The following MYO6 variants were observed in gnomAD, a reference collection of about 807,000 sequenced individuals.
The protein encoded by MYO6 is unconventional myosin-VI.
MYO6 carries 74 observed loss-of-function variants against 178.7 expected under a neutral mutation model. That is an observed-to-expected ratio of 0.41 (90% CI 0.34 to 0.50). The LOEUF (loss-of-function observed/expected upper bound fraction) is 0.50. Among genes scored for constraint, MYO6 ranks in the 20% least tolerant of loss-of-function variants. The pLI, the probability that MYO6 is intolerant of heterozygous loss-of-function variation, is 0.09. For synonymous variants in MYO6, 477 were observed against 504.6 expected (o/e 0.95, Z 0.73); for missense variants, 1,330 against 1,547.4 (o/e 0.86, Z 2.36).
At position 75,886,875 on chromosome 6, in the gene MYO6, A is replaced by C; in HGVS notation, c.2539A>C (p.Lys847Gln). The change falls in exon 25 of 35, where the codon AAA (lysine) becomes CAA (glutamine). Residue 847 changes from lysine to glutamine, a missense_variant. Physicochemically the swap from Lys to Gln is moderately conservative, Grantham distance 53. Coordinates refer to ENST00000369977, the MANE Select transcript of MYO6 (RefSeq NM_004999.4). Reference protein sequence around the residue: ...IDGLVKVGTLKKRLDKFNEVV... With the variant: ...IDGLVKVGTLQKRLDKFNEVV... ...TGGTCTGGTTAAGGTGGGCACACTGAAAAAACGACTTGATAAATTTAATGA... is the reference window on the plus strand; with the variant it reads ...TGGTCTGGTTAAGGTGGGCACACTGCAAAAACGACTTGATAAATTTAATGA... 1 of 1,613,878 alleles carries C rather than the reference A, an allele frequency of 6.2e-7. No homozygotes were observed. The highest frequency in any genetic ancestry group is 8.5e-7 in the Non-Finnish European group (1 of 1,179,882).
chr6:75,825,982 A>C (rs993142257), intron 3 of MYO6, among the ~76,000 whole-genome samples: 2 of 152,172 alleles, frequency 1.3e-5, no homozygotes, highest in Non-Finnish European at 2.9e-5. Context: ...TAAATCTGTT[A>C]ATAATTAGGC....
At chr6:75,763,234 C>T (rs1248073916) in intron 1 of MYO6, among the ~76,000 whole-genome samples, 1 of 152,018 alleles carries the variant, frequency 6.6e-6, no homozygotes, top group African/African-American at 2.4e-5. Context: ...CCATCTTGGC[C>T]AGGCTGGTCT....
chr6:75,854,725 C>T (rs1244393404), intron 11 of MYO6, among the ~76,000 whole-genome samples: 1 of 152,138 alleles, frequency 6.6e-6, no homozygotes, highest in African/African-American at 2.4e-5. Flanking sequence ...CCAAATTGAT[C>T]TATTTAGGTG....
Position 75,890,258 on chromosome 6 carries a change from A to G in MYO6, c.2860A>G (p.Arg954Gly), listed in dbSNP as rs775322612. ...ACGTCGAAGAAAGGAAGAGGAGGAA[A>G]GGCGGATGTGAGGCATTTATATTAT... ...EKRRRKEEEE[R>G]RMKLEMEAKR... The change falls in exon 26 of 35, where the codon AGG (arginine) becomes GGG (glycine). Residue 954 changes from arginine to glycine, a missense_variant. Arg to Gly is a moderately radical substitution (Grantham distance 125). This residue lies in a region of MYO6 where 601 missense variants were observed against 626.1 expected (regional missense o/e 0.96). Coordinates refer to ENST00000369977, the MANE Select transcript of MYO6 (RefSeq NM_004999.4). 7 of 1,613,786 alleles carry G rather than the reference A, an allele frequency of 4.3e-6. No individual in the cohort carries two copies. Among genetic ancestry groups the G allele is most frequent in the Non-Finnish European group, 5.9e-6 (7 of 1,179,718 alleles).
chr6:75,749,577 TG>T (rs1264801151), intron 1 of MYO6, among the ~76,000 whole-genome samples, 154 bp downstream of exon 1: 3 of 152,050 alleles, frequency 2.0e-5, no homozygotes, highest in Non-Finnish European at 4.4e-5. Context: ...GATGGATGGG[TG>T]GGCCCTGGGC....
intron 2 of MYO6, among the ~76,000 whole-genome samples, chr6:75,822,529 G>T (rs1430619134): frequency 6.6e-6 from 1 of 152,030 alleles, no homozygotes; most frequent in Admixed American, 6.6e-5. Flanking sequence ...TTCTTTAGGT[G>T]TTGGAGCCTA....
chr6:75,848,707 C>A (rs564087408), intron 11 of MYO6, among the ~76,000 whole-genome samples, 176 bp downstream of exon 11: 12 of 131,836 alleles, frequency 9.1e-5, no homozygotes, highest in South Asian at 5.0e-4. Context: ...ATCAGTCATT[C>A]TGAGCTCTGT....
chr6:75,915,791 G>C lies in MYO6; in HGVS notation c.*779G>C, dbSNP rs1781087826. On this transcript the variant is annotated 3_prime_UTR_variant, in exon 35 of 35. Transcript: ENST00000369977. ...GATAAGTTTTGTTTCAATTAGAAAA[G>C]GAAATAGGTTTTAGGTGGCATAGTG... The C allele has an allele frequency of 6.6e-6, 1 of 152,600 alleles. No individual in the cohort carries two copies. The highest frequency in any genetic ancestry group is 2.4e-5 in the African/African-American group (1 of 41,454). 9.5% of individuals were successfully genotyped at this position (152,600 alleles called of 1,614,324 possible).
At chr6:75,776,935 C>T (rs948523553) in intron 1 of MYO6, among the ~76,000 whole-genome samples, 3 of 152,008 alleles carry the variant, frequency 2.0e-5, no homozygotes, top group African/African-American at 4.8e-5. Context: ...AAAGATTCAC[C>T]TTACTTTAAA....
In MYO6 at chr6:75,801,527, AT is replaced by A. The variant is rs372195012; in HGVS notation, c.-47-15963del. ...ATGTAGAGGTGGTGGTGAGAGCTTAATTTTTTTTTTTATGAGAAAACTTGCA... is the reference window on the plus strand; with the variant it reads ...ATGTAGAGGTGGTGGTGAGAGCTTAATTTTTTTTTTATGAGAAAACTTGCA... On this transcript the variant is annotated intron_variant, in intron 1 of 34. Coordinates refer to ENST00000369977, the MANE Select transcript of MYO6 (RefSeq NM_004999.4). Among the ~76,000 whole-genome samples, 520 of 148,930 alleles carry A rather than the reference AT, an allele frequency of 3.5e-3. 3 individuals carry two copies. The highest frequency in any genetic ancestry group is 0.011 in the African/African-American group (455 of 40,846).
chr6:75,777,043 A>T (rs796175185), intron 1 of MYO6, among the ~76,000 whole-genome samples: 21 of 152,168 alleles, frequency 1.4e-4, no homozygotes, highest in African/African-American at 4.8e-4. Flanking sequence ...TTCCTCTCTT[A>T]ACAGTGCTTT....
intron 1 of MYO6, among the ~76,000 whole-genome samples, chr6:75,760,492 G>A (rs1777850296): frequency 6.6e-6 from 1 of 152,032 alleles, no homozygotes. Flanking sequence ...AGAGGGCCTT[G>A]TTCATGACCT....
intron 1 of MYO6, among the ~76,000 whole-genome samples, chr6:75,797,255 A>G (rs768745385): frequency 1.1e-4 from 16 of 151,970 alleles, no homozygotes; most frequent in Non-Finnish European, 2.2e-4. Flanking sequence ...ATGCTTGGCT[A>G]ATTTCATTTG....
chr6:75,866,271 G>GTC (rs1421040670), intron 16 of MYO6, among the ~76,000 whole-genome samples: 1 of 128,972 alleles, frequency 7.8e-6, no homozygotes, highest in East Asian at 2.5e-4. Flanking sequence ...CTCTGTCTCT[G>GTC]TCTCTGTGTG....
rs1167744187 is a variant in MYO6 at position 75,873,690 on chromosome 6, T to C, written c.2077+390T>C. Among the ~76,000 whole-genome samples the C allele has an allele frequency of 3.9e-5, 6 of 152,342 alleles. No individual in the cohort carries two copies. The East Asian group carries it at 1.2e-3, about 29-fold the overall frequency. On this transcript the variant is annotated intron_variant, in intron 20 of 34. Transcript: ENST00000369977. Reference sequence around the variant, plus strand: ...TATGAAAACTCTCTAACAGCAAAACTGGATCTTCCTTAAGTGGGCAGCTTT... The same window carrying C: ...TATGAAAACTCTCTAACAGCAAAACCGGATCTTCCTTAAGTGGGCAGCTTT...
chr6:75,822,218 C>T (rs763856771), intron 2 of MYO6, among the ~76,000 whole-genome samples: 3 of 152,010 alleles, frequency 2.0e-5, no homozygotes, highest in Non-Finnish European at 4.4e-5. Context: ...CTGCCTCAGC[C>T]TCCCCAGTAG....
At chr6:75,794,734 A>G (rs1370382847) in intron 1 of MYO6, among the ~76,000 whole-genome samples, 1 of 119,554 alleles carries the variant, frequency 8.4e-6, no homozygotes, top group Non-Finnish European at 1.5e-5. Context: ...ATATAAGCAA[A>G]AAAAATAAAA....
chr6:75,879,773 C>T (rs1162427005), intron 20 of MYO6, 47 bp from the exon 21 acceptor site: 3 of 1,613,830 alleles, frequency 1.9e-6, no homozygotes, highest in African/African-American at 1.3e-5. Flanking sequence ...TTATTTTGGA[C>T]TTCCGAACAG....
chr6:75,770,706 ACCTCAGGTGATC>A (rs1270727416), intron 1 of MYO6, among the ~76,000 whole-genome samples: 6 of 152,088 alleles, frequency 3.9e-5, no homozygotes, highest in African/African-American at 1.4e-4. Context: ...TGAACTCCCG[ACCTCAGGTGATC>A]CACCAGCCAT....
Sources: allele counts gnomAD v4.1 joint callset (sites outside exome capture counted in the v4.1 genomes callset), GRCh38; gene constraint gnomAD v4.1.1; regional missense constraint gnomAD v4.1.1; transcripts MANE v1.5; gene names NCBI Gene and HGNC (gene_info 2026-07-23, HGNC 2026-07-21).